The following PON3 variants were observed in gnomAD, a reference collection of about 807,000 sequenced individuals.
PON3 encodes the protein paraoxonase 3, also known as serum paraoxonase/lactonase 3.
Under a neutral mutation model 36.3 loss-of-function variants are expected in PON3, and 37 were observed. That is an observed-to-expected ratio of 1.02 (90% CI 0.78 to 1.34). The LOEUF is 1.34. Among genes scored for constraint, PON3 ranks in the 40% most tolerant of loss-of-function variants. PON3 has a pLI of 0.00. For missense variants in PON3, 415 were observed against 426.5 expected (o/e 0.97, Z 0.24); for synonymous variants, 155 against 154.8 (o/e 1.00, Z -0.01).
rs183244391 is a variant in PON3 at position 95,377,614 on chromosome 7, C to G, written c.202-5276G>C. 138 of 420,752 alleles carry G rather than the reference C, an allele frequency of 3.3e-4. 2 individuals are homozygous for G. The highest frequency in any genetic ancestry group is 6.0e-4 in the Non-Finnish European group (125 of 209,822). 26.1% of individuals were successfully genotyped at this position (420,752 alleles called of 1,614,324 possible). A position where few individuals can be genotyped will look rare whatever the true frequency, so the allele number is the denominator to read the frequency against. Reference sequence around the variant, plus strand: ...AATATTTGCCGTTCTGCAGCCTCCACTGGTGATACCCAGGCAAACAGGGTC... The same window carrying G: ...AATATTTGCCGTTCTGCAGCCTCCAGTGGTGATACCCAGGCAAACAGGGTC... On this transcript the variant is annotated intron_variant, in intron 3 of 8. Transcript: ENST00000265627.
In PON3 at chr7:95,387,932, G is replaced by A. The variant is rs186293851; in HGVS notation, c.201+2222C>T. ...TGCTGGGAAAACTGGCTAGCCATACGTAGAAAGCCAAAACTGGATCCCTTC... is the reference window on the plus strand; with the variant it reads ...TGCTGGGAAAACTGGCTAGCCATACATAGAAAGCCAAAACTGGATCCCTTC... On this transcript the variant is annotated intron_variant, in intron 3 of 8. Coordinates refer to ENST00000265627, the MANE Select transcript of PON3 (RefSeq NM_000940.3). Among the ~76,000 whole-genome samples the A allele has an allele frequency of 2.8e-3, 430 of 152,266 alleles. 3 individuals are homozygous for A. Among genetic ancestry groups the A allele is most frequent in the Admixed American group, 7.9e-3 (121 of 15,286 alleles).
At chr7:95,371,544 C>T (rs1482430482) in intron 4 of PON3, among the ~76,000 whole-genome samples, 1 of 152,128 alleles carries the variant, frequency 6.6e-6, no homozygotes, top group Non-Finnish European at 1.5e-5. Context: ...TTCCTAATGT[C>T]TAAGGATGAT....
chr7:95,379,513 C>A (rs1808995973), intron 3 of PON3, among the ~76,000 whole-genome samples: 1 of 152,238 alleles, frequency 6.6e-6, no homozygotes. Context: ...CCTAATACTG[C>A]ACTTTTCCAA....
chr7:95,366,393 T>C (rs988340985), intron 5 of PON3, among the ~76,000 whole-genome samples: 9 of 152,212 alleles, frequency 5.9e-5, no homozygotes, highest in African/African-American at 1.9e-4. Context: ...CAGAGTTCAA[T>C]AACTTCAACT....
intron 2 of PON3, among the ~76,000 whole-genome samples, chr7:95,393,653 G>T (rs1363944964): frequency 6.6e-6 from 1 of 152,182 alleles, no homozygotes; most frequent in Non-Finnish European, 1.5e-5. Flanking sequence ...ATTTTGAACT[G>T]AATCTTTTGA....
intron 3 of PON3, among the ~76,000 whole-genome samples, chr7:95,379,591 G>A (rs1808997875): frequency 6.6e-6 from 1 of 152,232 alleles, no homozygotes; most frequent in African/African-American, 2.4e-5. Flanking sequence ...CACACCCATG[G>A]AGCCTTGCTC....
In PON3 at chr7:95,394,671, C is replaced by G. The variant is rs1200327298; in HGVS notation, c.118G>C (p.Glu40Gln). 1.9e-6 allele frequency: 3 copies of G among 1,614,152 alleles called. No homozygotes were observed. The highest frequency in any genetic ancestry group is 4.5e-5 in the East Asian group (2 of 44,876). ...ASREVEPVEP[E>Q]NCHLIEELES... The stretch of plus-strand genomic sequence containing the variant: ...AGTTCCTCAATAAGGTGGCAGTTTT[C>G]AGGTTCTACTGGCTCCACTTCTCGA... Residue 40 changes from glutamate to glutamine, a missense_variant, in exon 2 of 9, where the codon GAA becomes CAA. Physicochemically the swap from Glu to Gln is conservative, Grantham distance 29. Coordinates refer to ENST00000265627, the MANE Select transcript of PON3 (RefSeq NM_000940.3).
rs140717705 is a variant in PON3, at chr7:95,389,953, C to T, written c.201+201G>A. Among the ~76,000 whole-genome samples the T allele has an allele frequency of 6.3e-3, 954 of 152,300 alleles. 10 individuals are homozygous for T. The highest frequency in any genetic ancestry group is 6.8e-3 in the Middle Eastern group (2 of 294). Reference sequence around the variant, plus strand: ...GCCACTACCCCCAGGGAGTTGCCCACCATGAGGCAGTCAAAGCTGGGCATT... The same window carrying T: ...GCCACTACCCCCAGGGAGTTGCCCATCATGAGGCAGTCAAAGCTGGGCATT... On this transcript the variant is annotated intron_variant, in intron 3 of 8. Coordinates refer to ENST00000265627, the MANE Select transcript of PON3 (RefSeq NM_000940.3).
intron 2 of PON3, 137 bp downstream of exon 2, chr7:95,394,507 G>T: frequency 1.3e-6 from 1 of 745,040 alleles, no homozygotes; most frequent in Non-Finnish European, 2.4e-6. Context: ...CCTTGCATGG[G>T]GCAGAGTGGA....
chr7:95,364,639 G>C (rs1808649941), intron 5 of PON3: 1 of 165,742 alleles, frequency 6.0e-6, no homozygotes. Flanking sequence ...ATGAAACTGA[G>C]TCCCTAAATC....
intron 3 of PON3, among the ~76,000 whole-genome samples, chr7:95,374,350 C>T (rs1026513950): frequency 2.0e-5 from 3 of 151,732 alleles, no homozygotes; most frequent in Admixed American, 2.0e-4. Context: ...AAGAAATGTC[C>T]CTCCTCTGTT....
chr7:95,382,425 GA>G (rs1809080589), intron 3 of PON3, among the ~76,000 whole-genome samples: 1 of 152,070 alleles, frequency 6.6e-6, no homozygotes, highest in Non-Finnish European at 1.5e-5. Flanking sequence ...CTGGTATTTT[GA>G]AAAGATCAAC....
chr7:95,365,447 T>A (rs1808669342), intron 5 of PON3: 1 of 152,306 alleles, frequency 6.6e-6, no homozygotes, highest in South Asian at 2.1e-4. Flanking sequence ...AACCTTTGAC[T>A]AATAGGAGAT....
At chr7:95,393,712 G>A (rs945793950) in intron 2 of PON3, among the ~76,000 whole-genome samples, 2 of 152,096 alleles carry the variant, frequency 1.3e-5, no homozygotes, top group Non-Finnish European at 2.9e-5. Flanking sequence ...AGCTGGTTGT[G>A]GGTGGGAGGA....
chr7:95,388,219 A>G (rs1935843936), intron 3 of PON3, among the ~76,000 whole-genome samples: 1 of 152,242 alleles, frequency 6.6e-6, no homozygotes, highest in Non-Finnish European at 1.5e-5. Flanking sequence ...TCCAGAATCT[A>G]CAAGGAACTT....
chr7:95,371,875 G>A lies in PON3; in HGVS notation c.367+298C>T, dbSNP rs898956160. On this transcript the variant is annotated intron_variant, in intron 4 of 8. Transcript: ENST00000265627. Reference sequence around the variant, plus strand: ...TGTCTTTAGTGACAACTAAACTAAAGGGCCTTTAGTTTACATGTTAGATTT... The same window carrying A: ...TGTCTTTAGTGACAACTAAACTAAAAGGCCTTTAGTTTACATGTTAGATTT... Among the ~76,000 whole-genome samples, 4 of 151,790 alleles carry A rather than the reference G, an allele frequency of 2.6e-5. No individual in the cohort carries two copies. The East Asian group carries it at 7.8e-4, about 29-fold the overall frequency.
intron 3 of PON3, among the ~76,000 whole-genome samples, chr7:95,373,185 C>G (rs773336516): frequency 1.3e-5 from 2 of 152,098 alleles, no homozygotes; most frequent in Admixed American, 6.6e-5. Flanking sequence ...TCTCTGCTAC[C>G]TTTATCTTCT....
At chr7:95,389,453 T>C (rs1316400329) in intron 3 of PON3, among the ~76,000 whole-genome samples, 2 of 152,214 alleles carry the variant, frequency 1.3e-5, no homozygotes, top group African/African-American at 4.8e-5. Flanking sequence ...ATGTGGTAAA[T>C]ATACTTTTTC....
chr7:95,389,090 A>C (rs1438645914), intron 3 of PON3, among the ~76,000 whole-genome samples: 1 of 151,886 alleles, frequency 6.6e-6, no homozygotes, highest in East Asian at 1.9e-4. Context: ...AAAGTATAAT[A>C]AAAAAAAATC....
Sources: allele counts gnomAD v4.1 joint callset (sites outside exome capture counted in the v4.1 genomes callset), GRCh38; gene constraint gnomAD v4.1.1; transcripts MANE v1.5; gene names NCBI Gene and HGNC (gene_info 2026-07-23, HGNC 2026-07-21).